ABCA6: variants seen among roughly 807,000 people sequenced by gnomAD.
The protein encoded by ABCA6 is ATP-binding cassette sub-family A member 6.
In ABCA6, 164 loss-of-function variants were observed where a neutral mutation model predicts 191.2. The observed-to-expected ratio is 0.86, with a 90% CI of 0.76 to 0.98. ABCA6 has a LOEUF of 0.98. Ranked by LOEUF, ABCA6 falls within the 50% of genes least tolerant of loss-of-function variation. The probability of loss-of-function intolerance (pLI) is 0.00; values close to 1 mark genes in which losing one functional copy is unlikely to be tolerated. For synonymous variants in ABCA6, 636 were observed against 647.7 expected, an observed-to-expected ratio of 0.98 and a Z score of 0.27; for missense variants, 1,958 against 1,894.1, an observed-to-expected ratio of 1.03 and a Z score of -0.63.
intron 9 of ABCA6, among the ~76,000 whole-genome samples, chr17:69,124,155 A>G (rs2073703982): frequency 6.6e-6 from 1 of 151,946 alleles, no homozygotes; most frequent in African/African-American, 2.4e-5. Flanking sequence ...TTTTAAATAT[A>G]TTTTTCCAGT....
chr17:69,136,591 C>T (rs776365199), intron 3 of ABCA6, among the ~76,000 whole-genome samples: 5 of 152,106 alleles, frequency 3.3e-5, no homozygotes, highest in Non-Finnish European at 5.9e-5. Context: ...GTCAGGGATT[C>T]CTTATTTCAG....
At chr17:69,096,206 A>T in intron 25 of ABCA6, 34 bp downstream of exon 25, 1 of 1,076,776 alleles carries the variant, frequency 9.3e-7, no homozygotes, top group Non-Finnish European at 1.3e-6. Flanking sequence ...AAAAAATAAC[A>T]CTATTTCTCT....
At chr17:69,140,298 A>G (rs2074008179) in intron 2 of ABCA6, among the ~76,000 whole-genome samples, 1 of 151,936 alleles carries the variant, frequency 6.6e-6, no homozygotes, top group Non-Finnish European at 1.5e-5. Flanking sequence ...AAATGTCTCC[A>G]TTTCTTCTGA....
chr17:69,127,809 G>A (rs1368653217), intron 8 of ABCA6, among the ~76,000 whole-genome samples: 1 of 151,994 alleles, frequency 6.6e-6, no homozygotes, highest in Non-Finnish European at 1.5e-5. Flanking sequence ...TATTCAGTAG[G>A]AAATGTGTAC....
intron 2 of ABCA6, among the ~76,000 whole-genome samples, chr17:69,140,073 T>C (rs2074005347): frequency 6.6e-6 from 1 of 151,816 alleles, no homozygotes; most frequent in Non-Finnish European, 1.5e-5. Flanking sequence ...ATTGTGCACA[T>C]GTACCCTAAA....
At chr17:69,095,827 C>A (rs1328887374) in intron 25 of ABCA6, among the ~76,000 whole-genome samples, 1 of 152,330 alleles carries the variant, frequency 6.6e-6, no homozygotes, top group South Asian at 2.1e-4. Context: ...TTTATACTAA[C>A]AAGTAACCTG....
intron 10 of ABCA6, 43 bp from the exon 11 acceptor site, chr17:69,117,999 GA>G: frequency 7.0e-7 from 1 of 1,420,402 alleles, no homozygotes; most frequent in East Asian, 2.3e-5. Flanking sequence ...ACACAGAAGT[GA>G]AAATAGCACG....
chr17:69,132,509 C>T (rs1250890913), intron 6 of ABCA6, among the ~76,000 whole-genome samples: 1 of 152,134 alleles, frequency 6.6e-6, no homozygotes, highest in East Asian at 1.9e-4. Flanking sequence ...TTTATGGAGT[C>T]TCACTCTGTC....
At position 69,114,946 on chromosome 17, in the gene ABCA6, A is replaced by G; in HGVS notation, c.1607-9T>C. Reference sequence around the variant, plus strand: ...ATAGATGGTAACTGATCCTAAGAATAGAAGTTAAAAATAAAATTGGCAAGA... The same window carrying G: ...ATAGATGGTAACTGATCCTAAGAATGGAAGTTAAAAATAAAATTGGCAAGA... On this transcript the variant is annotated splice_polypyrimidine_tract_variant and intron_variant, in intron 12 of 38. Transcript: ENST00000284425. The G allele has an allele frequency of 1.9e-6, 3 of 1,580,164 alleles. No homozygotes were observed. Among genetic ancestry groups the G allele is most frequent in the Non-Finnish European group, 2.6e-6 (3 of 1,161,910 alleles).
At chr17:69,101,723 A>C (rs1000283661) in intron 21 of ABCA6, among the ~76,000 whole-genome samples, 12 of 152,124 alleles carry the variant, frequency 7.9e-5, no homozygotes, top group African/African-American at 2.9e-4. Flanking sequence ...TCCTAAAGCA[A>C]TCTTTATATT....
chr17:69,104,931 G>A (rs932432659), intron 20 of ABCA6: 1 of 153,802 alleles, frequency 6.5e-6, no homozygotes, highest in South Asian at 2.1e-4. Flanking sequence ...ATTGAACCAA[G>A]ATCACACCAC....
In ABCA6 at chr17:69,109,758, C is replaced by A. The variant is rs901316100; in HGVS notation, c.2272+1043G>T. 12 of 152,254 alleles carry A rather than the reference C, an allele frequency of 7.9e-5. 1 individual carries two copies. Among genetic ancestry groups the A allele is most frequent in the Middle Eastern group, 3.4e-3 (1 of 294 alleles). 9.4% of individuals were successfully genotyped at this position (152,254 alleles called of 1,614,324 possible). A position where few individuals can be genotyped will look rare whatever the true frequency, so the allele number is the denominator to read the frequency against. On this transcript the variant is annotated intron_variant, in intron 17 of 38. Coordinates refer to ENST00000284425, the MANE Select transcript of ABCA6 (RefSeq NM_080284.3). ...GCTATACCCACCTGTCACTTAGTAG[C>A]CCTCTGGGATATCAGAGCAACTGTC... is the stretch of plus-strand genomic sequence containing the variant.
chr17:69,089,078 C>T (rs1387168753), intron 27 of ABCA6, among the ~76,000 whole-genome samples: 1 of 152,190 alleles, frequency 6.6e-6, no homozygotes. Flanking sequence ...GATTCAAAGA[C>T]AGTAGTTCCC....
chr17:69,095,622 G>C (rs935767967), intron 25 of ABCA6: 2 of 152,166 alleles, frequency 1.3e-5, no homozygotes, highest in African/African-American at 4.8e-5. Context: ...ATGATCTTTG[G>C]TTGGGTTCTT....
chr17:69,125,469 C>T (rs1473438523), intron 8 of ABCA6, among the ~76,000 whole-genome samples: 1 of 152,000 alleles, frequency 6.6e-6, no homozygotes, highest in Non-Finnish European at 1.5e-5. Flanking sequence ...CACATAATAA[C>T]AGCGACTATG....
chr17:69,128,746 A>G lies in ABCA6; in HGVS notation c.992T>C (p.Val331Ala). Residue 331 changes from valine (V) to alanine (A), a missense_variant, in exon 8 of 39, where the codon GTT (valine) becomes GCT (alanine). Val to Ala is a moderately conservative substitution (Grantham distance 64, BLOSUM62 0). Transcript: ENST00000284425. Reference sequence around the variant, plus strand: ...CCAAAAGAGGGTAAGGAGAAACACAACCAAATTGGTGAGGACAGCTTTCTT... The same window carrying G: ...CCAAAAGAGGGTAAGGAGAAACACAGCCAAATTGGTGAGGACAGCTTTCTT... ...LLKKAVLTNL[V>A]VFLLTLFWGC... 1.2e-6 allele frequency: 2 copies of G among 1,612,652 alleles called. No individual in the cohort carries two copies. Among genetic ancestry groups the G allele is most frequent in the Non-Finnish European group, 1.7e-6 (2 of 1,179,174 alleles).
intron 6 of ABCA6, among the ~76,000 whole-genome samples, chr17:69,131,557 A>G (rs1035588762): frequency 8.6e-6 from 1 of 115,854 alleles, no homozygotes; most frequent in Non-Finnish European, 2.0e-5. Flanking sequence ...TAATAAGTGT[A>G]TAAAAACTAT....
Position 69,106,207 on chromosome 17 carries a change from G to A in ABCA6, c.2394C>T (p.Phe798=), listed in dbSNP as rs775748618. 60 of 1,610,220 alleles carry A rather than the reference G, an allele frequency of 3.7e-5. No individual in the cohort carries two copies. Among genetic ancestry groups the A allele is most frequent in the African/African-American group, 3.6e-4 (27 of 74,592 alleles). The change falls in exon 19 of 39, where the codon TTC becomes TTT. Residue 798 remains phenylalanine (F), a synonymous_variant. Coordinates refer to ENST00000284425, the MANE Select transcript of ABCA6 (RefSeq NM_080284.3). The part of the protein sequence containing the change: ...LEGQSTIEQD[F]EQVEMIRDSE... Reference sequence around the variant, plus strand: ...AGTCTCTTATCATCTCCACTTGTTCGAAATCTATAAACACACACATACACA... The same window carrying A: ...AGTCTCTTATCATCTCCACTTGTTCAAAATCTATAAACACACACATACACA...
In ABCA6 at chr17:69,091,526, T is replaced by C. The variant is rs200635001; in HGVS notation, c.3409-264A>G. On this transcript the variant is annotated intron_variant, in intron 25 of 38. Transcript: ENST00000284425. The stretch of plus-strand genomic sequence containing the variant: ...GCTAAAATGACCAAATAGACTTCTT[T>C]TTTTTTTTTTTTTTGAGACGGAGTC... Among the ~76,000 whole-genome samples, 2 of 18,926 alleles carry C rather than the reference T, an allele frequency of 1.1e-4. 1 individual carries two copies. The highest frequency in any genetic ancestry group is 2.3e-3 in the South Asian group (2 of 888). 12.4% of individuals were successfully genotyped at this position (18,926 alleles called of 152,430 possible).
Sources: gnomAD v4.1 joint callset for allele counts (sites outside exome capture counted in the v4.1 genomes callset) on GRCh38, gnomAD v4.1.1 for gene constraint, MANE v1.5 for transcripts, NCBI Gene and HGNC (gene_info 2026-07-23, HGNC 2026-07-21) for gene names.